Variants in PTPRD observed in about 807,000 individuals in gnomAD.
PTPRD encodes protein tyrosine phosphatase receptor type D, also known as receptor-type tyrosine-protein phosphatase delta.
In PTPRD, 34 loss-of-function variants were observed where a neutral mutation model predicts 214.5. The ratio of observed to expected loss-of-function variants is 0.16; its 90% CI spans 0.12 to 0.21. The LOEUF is 0.21. PTPRD is among the 10% of genes least tolerant of loss of function. PTPRD has a pLI of 1.00. For synonymous variants in PTPRD, 1,128 were observed against 845.7 expected (o/e 1.33, Z -5.79); for missense variants, 2,545 against 2,398.7 (o/e 1.06, Z -1.27).
chr9:9,545,865 G>C (rs1017871332), intron 8 of PTPRD, among the ~76,000 whole-genome samples: 1 of 151,690 alleles, frequency 6.6e-6, no homozygotes. Context: ...AGATTGCATT[G>C]AGTCTATAGA....
intron 5 of PTPRD, among the ~76,000 whole-genome samples, chr9:9,783,332 C>G (rs1258676601): frequency 6.6e-6 from 1 of 152,060 alleles, no homozygotes; most frequent in East Asian, 1.9e-4. Context: ...CATGAAATAT[C>G]TGAGCTAATA....
chr9:9,887,206 G>C (rs1468229073), intron 5 of PTPRD, among the ~76,000 whole-genome samples: 1 of 151,952 alleles, frequency 6.6e-6, no homozygotes, highest in African/African-American at 2.4e-5. Flanking sequence ...CAATATCATA[G>C]CAGAATTGTT....
chr9:9,588,603 G>A (rs895898094), intron 7 of PTPRD, among the ~76,000 whole-genome samples: 1 of 151,886 alleles, frequency 6.6e-6, no homozygotes, highest in African/African-American at 2.4e-5. Flanking sequence ...ATTTCTTAAA[G>A]TTGCACAGAA....
chr9:8,513,482 T>C (rs1043505664), intron 21 of PTPRD, among the ~76,000 whole-genome samples: 1 of 152,046 alleles, frequency 6.6e-6, no homozygotes, highest in Non-Finnish European at 1.5e-5. Flanking sequence ...GAATGAAAGA[T>C]AATAAAATTA....
At chr9:10,362,493 T>C (rs370974595) in intron 2 of PTPRD, among the ~76,000 whole-genome samples, 1 of 152,116 alleles carries the variant, frequency 6.6e-6, no homozygotes, top group Non-Finnish European at 1.5e-5. Context: ...AAAAATTCAA[T>C]GTCTAGAGAA....
At chr9:8,688,889 T>G (rs2097748646) in intron 12 of PTPRD, among the ~76,000 whole-genome samples, 1 of 152,202 alleles carries the variant, frequency 6.6e-6, no homozygotes, top group African/African-American at 2.4e-5. Flanking sequence ...GGCCTATGAC[T>G]TTATCACTCT....
intron 3 of PTPRD, among the ~76,000 whole-genome samples, chr9:10,257,314 A>T (rs1237645673): frequency 6.6e-6 from 1 of 152,108 alleles, no homozygotes; most frequent in African/African-American, 2.4e-5. Context: ...GCTCCACTCA[A>T]ATCTTTATGT....
At chr9:8,706,453 A>G (rs1038147561) in intron 12 of PTPRD, among the ~76,000 whole-genome samples, 1 of 152,194 alleles carries the variant, frequency 6.6e-6, no homozygotes, top group Admixed American at 6.5e-5. Context: ...ACAAGTGTTC[A>G]TGGTTTTGCC....
At chr9:9,419,899 C>T (rs572175905) in intron 8 of PTPRD, among the ~76,000 whole-genome samples, 2 of 151,684 alleles carry the variant, frequency 1.3e-5, no homozygotes, top group East Asian at 3.9e-4. Flanking sequence ...CTTTATTTAT[C>T]AACAACTGAA....
chr9:10,330,811 C>A lies in PTPRD; in HGVS notation c.-545+10152G>T, dbSNP rs956657167. 8.6e-5 allele frequency among the ~76,000 whole-genome samples: 13 copies of A among 151,928 alleles called. 2 individuals are homozygous for A. The highest frequency in any genetic ancestry group is 8.5e-4 in the Admixed American group (13 of 15,220). Reference sequence around the variant, plus strand: ...AGAGGGCAGCAAAAAGCCATGTAACCCCTTAAGCTCCTTTGATTCTCCTTC... The same window carrying A: ...AGAGGGCAGCAAAAAGCCATGTAACACCTTAAGCTCCTTTGATTCTCCTTC... On this transcript the variant is annotated intron_variant, in intron 3 of 45. Coordinates refer to ENST00000381196, the MANE Select transcript of PTPRD (RefSeq NM_002839.4).
intron 3 of PTPRD, among the ~76,000 whole-genome samples, chr9:10,128,977 T>G (rs2098839295): frequency 6.6e-6 from 1 of 152,116 alleles, no homozygotes; most frequent in Non-Finnish European, 1.5e-5. Flanking sequence ...TGTAGTAAAT[T>G]AGAATGTATA....
chr9:9,394,536 T>C (rs952573403), intron 9 of PTPRD, among the ~76,000 whole-genome samples: 4 of 152,122 alleles, frequency 2.6e-5, no homozygotes, highest in Admixed American at 6.6e-5. Flanking sequence ...TTTAATATTT[T>C]TGTGCCCCAG....
chr9:10,610,980 A>C lies in PTPRD; in HGVS notation c.-600+1418T>G, dbSNP rs755383929. On this transcript the variant is annotated intron_variant, in intron 2 of 45. Coordinates refer to ENST00000381196, the MANE Select transcript of PTPRD (RefSeq NM_002839.4). ...TATATACTCACTTAAGTAAATAAGGAGGTAAAAATATACTCATTCTACCAT... is the reference window on the plus strand; with the variant it reads ...TATATACTCACTTAAGTAAATAAGGCGGTAAAAATATACTCATTCTACCAT... Among the ~76,000 whole-genome samples the C allele has an allele frequency of 5.8e-4, 89 of 152,184 alleles. 4 individuals carry two copies. The highest frequency in any genetic ancestry group is 2.5e-4 in the Non-Finnish European group (17 of 67,998).
At chr9:9,459,478 T>C (rs1041736593) in intron 8 of PTPRD, among the ~76,000 whole-genome samples, 1 of 152,126 alleles carries the variant, frequency 6.6e-6, no homozygotes, top group East Asian at 1.9e-4. Flanking sequence ...AAAAGACTCC[T>C]AGATCTGATA....
intron 11 of PTPRD, among the ~76,000 whole-genome samples, chr9:9,013,551 G>A (rs570264946): frequency 1.1e-3 from 163 of 152,198 alleles, no homozygotes; most frequent in African/African-American, 3.5e-3. Context: ...AAAGCAACAA[G>A]TCTCTTTCTC....
intron 10 of PTPRD, among the ~76,000 whole-genome samples, chr9:9,020,242 G>A (rs549789046): frequency 6.6e-6 from 1 of 152,282 alleles, no homozygotes; most frequent in East Asian, 1.9e-4. Context: ...GTGGAAGGAT[G>A]TGAAATATAT....
intron 10 of PTPRD, among the ~76,000 whole-genome samples, chr9:9,144,833 T>C (rs1290257102): frequency 6.6e-6 from 1 of 152,048 alleles, no homozygotes; most frequent in African/African-American, 2.4e-5. Flanking sequence ...TTAATGGCAA[T>C]TTGGCATACC....
chr9:8,812,358 C>G (rs2096826456), intron 11 of PTPRD, among the ~76,000 whole-genome samples: 1 of 152,054 alleles, frequency 6.6e-6, no homozygotes, highest in Non-Finnish European at 1.5e-5. Flanking sequence ...GTCAGTCATT[C>G]TTGGATAATA....
chr9:9,780,836 G>A (rs2098837361), intron 5 of PTPRD, among the ~76,000 whole-genome samples: 1 of 152,136 alleles, frequency 6.6e-6, no homozygotes. Flanking sequence ...CCACATAGTG[G>A]AATACTATTC....
Sources: allele counts gnomAD v4.1 joint callset (sites outside exome capture counted in the v4.1 genomes callset), GRCh38; gene constraint gnomAD v4.1.1; transcripts MANE v1.5; gene names NCBI Gene and HGNC (gene_info 2026-07-23, HGNC 2026-07-21).